RARB: variants seen among roughly 807,000 people sequenced by gnomAD.
RARB encodes HBV-activated protein.
A neutral mutation model predicts 51.9 loss-of-function variants in RARB; 17 were observed. The observed-to-expected ratio is 0.33, with a 90% CI of 0.22 to 0.49. The LOEUF (loss-of-function observed/expected upper bound fraction) is 0.49, where lower values mean the gene tolerates loss of function less well. RARB is among the 20% of genes least tolerant of loss of function. The probability of loss-of-function intolerance (pLI) is 0.99; values close to 1 mark genes in which losing one functional copy is unlikely to be tolerated. For missense variants in RARB, 369 were observed against 550.8 expected, an observed-to-expected ratio of 0.67 and a Z score of 3.30; for synonymous variants, 215 against 195.4, an observed-to-expected ratio of 1.10 and a Z score of -0.84.
intron 3 of RARB, among the ~76,000 whole-genome samples, chr3:25,066,167 A>G (rs1698658134): frequency 6.6e-6 from 1 of 152,142 alleles, no homozygotes. Context: ...GTATTTTTCA[A>G]GGCTGTCAGA....
intron 3 of RARB, among the ~76,000 whole-genome samples, chr3:25,554,903 T>C (rs1164655048): frequency 1.3e-5 from 2 of 152,134 alleles, no homozygotes; most frequent in Non-Finnish European, 2.9e-5. Flanking sequence ...TCTCTTCCAC[T>C]TCTTATAAAG....
intron 2 of RARB, among the ~76,000 whole-genome samples, chr3:24,979,974 A>G (rs779357706): frequency 3.9e-5 from 6 of 152,146 alleles, no homozygotes; most frequent in Non-Finnish European, 5.9e-5. Flanking sequence ...GTGGTGACAA[A>G]ATCTTTCAGC....
chr3:25,054,405 A>G (rs1698397035), intron 2 of RARB, among the ~76,000 whole-genome samples: 1 of 152,086 alleles, frequency 6.6e-6, no homozygotes, highest in Non-Finnish European at 1.5e-5. Flanking sequence ...AGAGATACAG[A>G]GAAGTCCTGA....
intron 2 of RARB, among the ~76,000 whole-genome samples, chr3:25,024,584 A>G (rs568821481): frequency 6.6e-6 from 1 of 152,296 alleles, no homozygotes; most frequent in East Asian, 1.9e-4. Flanking sequence ...ATAGTCTCTA[A>G]ATATAAGAGG....
At chr3:25,271,473 T>C (rs1042006265) in intron 5 of RARB, among the ~76,000 whole-genome samples, 2 of 152,220 alleles carry the variant, frequency 1.3e-5, no homozygotes, top group African/African-American at 4.8e-5. Flanking sequence ...GCCAAAGGCA[T>C]CTACATTAGG....
At chr3:25,127,001 C>T (rs1034500608) in intron 3 of RARB, among the ~76,000 whole-genome samples, 1 of 152,072 alleles carries the variant, frequency 6.6e-6, no homozygotes, top group Non-Finnish European at 1.5e-5. Context: ...CAAAATCCAC[C>T]CCACATTCAT....
At chr3:25,073,081 C>A (rs958425564) in intron 3 of RARB, among the ~76,000 whole-genome samples, 1 of 152,108 alleles carries the variant, frequency 6.6e-6, no homozygotes, top group Non-Finnish European at 1.5e-5. Context: ...TTAGGGAAAA[C>A]TGAATGAGTA....
chr3:25,069,911 G>A (rs1054663295), intron 3 of RARB, among the ~76,000 whole-genome samples: 1 of 152,236 alleles, frequency 6.6e-6, no homozygotes, highest in African/African-American at 2.4e-5. Context: ...AATTGTCAGT[G>A]TAGTTTCCTA....
At chr3:25,421,294 C>T (rs1299360852) in intron 5 of RARB, among the ~76,000 whole-genome samples, 2 of 151,716 alleles carry the variant, frequency 1.3e-5, no homozygotes, top group East Asian at 1.9e-4. Context: ...AAAATGACTA[C>T]TCTGACAGAA....
chr3:25,398,747 C>T (rs1384248084), intron 5 of RARB, among the ~76,000 whole-genome samples: 1 of 152,014 alleles, frequency 6.6e-6, no homozygotes, highest in African/African-American at 2.4e-5. Context: ...TACCATATTC[C>T]ATTACAAAGA....
intron 2 of RARB, among the ~76,000 whole-genome samples, chr3:24,894,996 A>G (rs1385881879): frequency 2.0e-5 from 3 of 152,210 alleles, no homozygotes; most frequent in African/African-American, 7.2e-5. Context: ...AGCCAGGGAG[A>G]TGTACTTAAT....
At chr3:25,155,018 A>G (rs1700351590) in intron 4 of RARB, among the ~76,000 whole-genome samples, 1 of 152,036 alleles carries the variant, frequency 6.6e-6, no homozygotes, top group Non-Finnish European at 1.5e-5. Flanking sequence ...TCATTCAATC[A>G]CTTGTTAACA....
At chr3:24,988,241 G>A (rs563546025) in intron 2 of RARB, among the ~76,000 whole-genome samples, 6 of 152,256 alleles carry the variant, frequency 3.9e-5, no homozygotes, top group Admixed American at 3.3e-4. Flanking sequence ...GACCATTTGG[G>A]ATAATTGAAC....
At chr3:24,955,007 A>G (rs765099760) in intron 2 of RARB, among the ~76,000 whole-genome samples, 32 of 152,156 alleles carry the variant, frequency 2.1e-4, no homozygotes, top group Non-Finnish European at 3.7e-4. Context: ...AACCAGCTCA[A>G]TGGAGAGTCA....
At chr3:25,253,912 G>A (rs1702793604) in intron 5 of RARB, among the ~76,000 whole-genome samples, 2 of 152,160 alleles carry the variant, frequency 1.3e-5, no homozygotes, top group African/African-American at 4.8e-5. Flanking sequence ...ACAAATGTTA[G>A]TTAGAAGGGC....
At chr3:25,390,204 G>C (rs989811845) in intron 5 of RARB, among the ~76,000 whole-genome samples, 5 of 152,114 alleles carry the variant, frequency 3.3e-5, no homozygotes, top group African/African-American at 1.2e-4. Context: ...TATAAAAGAG[G>C]CCTGAAAGCC....
intron 2 of RARB, among the ~76,000 whole-genome samples, chr3:24,978,575 G>T (rs1204809035): frequency 1.3e-5 from 2 of 152,092 alleles, no homozygotes; most frequent in Non-Finnish European, 2.9e-5. Context: ...ATGGTAGTTT[G>T]TATTTCTGTG....
chr3:24,956,047 C>G (rs1696007639), intron 2 of RARB, among the ~76,000 whole-genome samples: 1 of 151,996 alleles, frequency 6.6e-6, no homozygotes, highest in Non-Finnish European at 1.5e-5. Flanking sequence ...TCAGAGAGTC[C>G]CTGATCTCTG....
rs567138154 is a variant in RARB at position 25,394,363 on chromosome 3, G to A, written c.179-66830G>A. ...TGTTCAATGTGCTGATGAATAGAAT[G>A]TATATTCTGCAGTTGTTGGTTAGAA... On this transcript the variant is annotated intron_variant, in intron 5 of 11. Coordinates refer to the RARB transcript ENST00000383772. Among the ~76,000 whole-genome samples the A allele has an allele frequency of 2.8e-4, 43 of 152,234 alleles. 1 individual carries two copies. The highest frequency in any genetic ancestry group is 1.6e-3 in the Admixed American group (25 of 15,288).
Sources: gnomAD v4.1 joint callset for allele counts (sites outside exome capture counted in the v4.1 genomes callset) on GRCh38, gnomAD v4.1.1 for gene constraint, MANE v1.5 for transcripts, NCBI Gene and HGNC (gene_info 2026-07-23, HGNC 2026-07-21) for gene names.